Variants in PIK3C2G observed in about 807,000 individuals in gnomAD.
The protein encoded by PIK3C2G is phosphatidylinositol 3-kinase C2 domain-containing subunit gamma.
A neutral mutation model predicts 181.1 loss-of-function variants in PIK3C2G; 168 were observed. The ratio of observed to expected loss-of-function variants is 0.93; its 90% confidence interval spans 0.82 to 1.05. The LOEUF (loss-of-function observed/expected upper bound fraction) is 1.05, where lower values mean the gene tolerates loss of function less well. Ranked by LOEUF, PIK3C2G falls within the 50% of genes least tolerant of loss-of-function variation. The pLI is 0.00. For missense variants in PIK3C2G, 1,869 were observed against 1,732.8 expected, an observed-to-expected ratio of 1.08 and a Z score of -1.40; for synonymous variants, 573 against 592.2, an observed-to-expected ratio of 0.97 and a Z score of 0.47.
intron 31 of PIK3C2G, among the ~76,000 whole-genome samples, chr12:18,612,269 C>T (rs1237719278): frequency 1.3e-5 from 2 of 152,180 alleles, no homozygotes; most frequent in African/African-American, 4.8e-5. Flanking sequence ...TCTCACATGT[C>T]CCGAATGCTT....
chr12:18,515,008 T>C (rs766053062), intron 24 of PIK3C2G, among the ~76,000 whole-genome samples: 11 of 152,078 alleles, frequency 7.2e-5, no homozygotes, highest in Non-Finnish European at 1.2e-4. Context: ...ATATGATTTG[T>C]GTCCTTGATT....
intron 24 of PIK3C2G, among the ~76,000 whole-genome samples, chr12:18,534,558 G>A (rs1357529660): frequency 6.6e-6 from 1 of 151,904 alleles, no homozygotes; most frequent in Non-Finnish European, 1.5e-5. Context: ...CACTATATGA[G>A]CTATGTTTAT....
At chr12:18,275,131 T>C (rs1363323971) in intron 1 of PIK3C2G, among the ~76,000 whole-genome samples, 1 of 152,238 alleles carries the variant, frequency 6.6e-6, no homozygotes, top group African/African-American at 2.4e-5. Flanking sequence ...AGTCAGTTTA[T>C]GTCCTTGGTT....
At chr12:18,358,303 T>C (rs1050260172) in intron 11 of PIK3C2G, 3 of 153,086 alleles carry the variant, frequency 2.0e-5, no homozygotes, top group African/African-American at 7.2e-5. Context: ...CTTGGCTTTA[T>C]GCCAGCAAGC....
At chr12:18,574,740 C>T (rs1442146943) in intron 29 of PIK3C2G, among the ~76,000 whole-genome samples, 1 of 152,106 alleles carries the variant, frequency 6.6e-6, no homozygotes, top group African/African-American at 2.4e-5. Context: ...AACAGCTAAC[C>T]CCGTAACTAG....
the PIK3C2G span, among the ~76,000 whole-genome samples, chr12:18,718,294 A>C: frequency 3.3e-5 from 5 of 152,286 alleles, no homozygotes; most frequent in African/African-American, 9.6e-5. Flanking sequence ...TATCACCTGC[A>C]CTGCTACACC....
Position 18,282,543 on chromosome 12 carries a change from T to C in PIK3C2G, c.462T>C (p.Ile154=). The C allele has an allele frequency of 1.2e-6, 2 of 1,610,672 alleles. No individual in the cohort carries two copies. The highest frequency in any genetic ancestry group is 1.7e-6 in the Non-Finnish European group (2 of 1,177,404). The change falls in exon 2 of 33, where the codon ATT becomes ATC. Residue 154 remains isoleucine, a synonymous_variant. Coordinates refer to ENST00000538779, the MANE Select transcript of PIK3C2G (RefSeq NM_001288772.2). ...LAPSFTSLDK[I]NLEKELENEN... Reference sequence around the variant, plus strand: ...CATCATTCACAAGTTTGGATAAAATTAATCTAGAGAAAGAATTAGAAAATG... The same window carrying C: ...CATCATTCACAAGTTTGGATAAAATCAATCTAGAGAAAGAATTAGAAAATG...
intron 7 of PIK3C2G, among the ~76,000 whole-genome samples, chr12:18,322,338 C>T (rs572745345): frequency 2.8e-4 from 42 of 150,508 alleles, no homozygotes; most frequent in Non-Finnish European, 5.3e-4. Flanking sequence ...GCTGAGATCA[C>T]GCCACTGTAC....
At chr12:18,399,229 G>A (rs1419248865) in intron 15 of PIK3C2G, among the ~76,000 whole-genome samples, 2 of 150,472 alleles carry the variant, frequency 1.3e-5, no homozygotes, top group East Asian at 1.9e-4. Context: ...TTTTTCACAG[G>A]CCCACTTGGA....
intron 31 of PIK3C2G, among the ~76,000 whole-genome samples, chr12:18,615,127 C>T (rs570948878): frequency 8.6e-5 from 13 of 151,932 alleles, no homozygotes; most frequent in Non-Finnish European, 1.8e-4. Flanking sequence ...ACTTCCCACC[C>T]TTCCCCCCAA....
chr12:18,243,458 C>T (rs1948006392), upstream of PIK3C2G, among the ~76,000 whole-genome samples: 2 of 151,948 alleles, frequency 1.3e-5, no homozygotes, highest in African/African-American at 4.8e-5. Flanking sequence ...CAGTATGTGA[C>T]TTCTACCTGG....
At chr12:18,496,011 TG>T in intron 20 of PIK3C2G, 50 bp from the exon 21 acceptor site, 2 of 940,838 alleles carry the variant, frequency 2.1e-6, no homozygotes, top group Non-Finnish European at 3.1e-6. Flanking sequence ...TTTTGGGGAT[TG>T]GGGTCTGATT....
intron 31 of PIK3C2G, among the ~76,000 whole-genome samples, chr12:18,639,489 A>G (rs1949753821): frequency 6.6e-6 from 1 of 152,216 alleles, no homozygotes; most frequent in Non-Finnish European, 1.5e-5. Context: ...CTTTAAATAT[A>G]AATTATACAA....
At chr12:18,624,921 C>G (rs886494922) in intron 31 of PIK3C2G, among the ~76,000 whole-genome samples, 2 of 151,526 alleles carry the variant, frequency 1.3e-5, no homozygotes, top group African/African-American at 4.8e-5. Context: ...TGAGTCCTCT[C>G]TTTTTCTCCT....
At chr12:18,485,035 A>G (rs1939900007) in intron 18 of PIK3C2G, among the ~76,000 whole-genome samples, 1 of 152,280 alleles carries the variant, frequency 6.6e-6, no homozygotes, top group East Asian at 1.9e-4. Context: ...GTGTAGCTCA[A>G]TTCTTTTCTG....
intron 8 of PIK3C2G, among the ~76,000 whole-genome samples, chr12:18,335,735 C>A (rs147083398): frequency 1.3e-3 from 204 of 152,302 alleles, no homozygotes; most frequent in African/African-American, 4.7e-3. Context: ...TAATCACCAA[C>A]TCAATTTTAC....
the PIK3C2G span, among the ~76,000 whole-genome samples, chr12:18,669,963 C>T: frequency 2.0e-5 from 3 of 152,084 alleles, no homozygotes; most frequent in Non-Finnish European, 4.4e-5. Context: ...CCACCGCGCC[C>T]GGCCCTCTTC....
chr12:18,372,871 C>T lies in PIK3C2G; in HGVS notation c.1880+1560C>T, dbSNP rs547871286. Among the ~76,000 whole-genome samples the T allele has an allele frequency of 2.6e-5, 4 of 152,238 alleles. No individual in the cohort carries two copies. The East Asian group carries it at 7.7e-4, about 29-fold the overall frequency. ...TAAGCACGTTACAGGCGAGTGGTCA[C>T]AGAAGATGAGCATTTGTGAGAGATG... On this transcript the variant is annotated intron_variant, in intron 13 of 32. Transcript: ENST00000538779.
chr12:18,684,815 G>T, the PIK3C2G span, among the ~76,000 whole-genome samples: 1 of 151,968 alleles, frequency 6.6e-6, no homozygotes, highest in Non-Finnish European at 1.5e-5. Flanking sequence ...CAGGTGTTTA[G>T]GAAGACACCT....
Sources: allele counts gnomAD v4.1 joint callset (sites outside exome capture counted in the v4.1 genomes callset), GRCh38; gene constraint gnomAD v4.1.1; transcripts MANE v1.5; gene names NCBI Gene and HGNC (gene_info 2026-07-23, HGNC 2026-07-21).